Variants in MACROD2 observed in about 807,000 individuals in gnomAD.
MACROD2 encodes ADP-ribose glycohydrolase MACROD2.
Under a neutral mutation model 70.4 loss-of-function variants are expected in MACROD2, and 36 were observed. That is an observed-to-expected ratio of 0.51 (90% confidence interval 0.39 to 0.68). The LOEUF is 0.68. MACROD2 is among the 30% of genes least tolerant of loss of function. MACROD2 has a pLI of 0.00. For synonymous variants in MACROD2, 172 were observed against 178.8 expected, an observed-to-expected ratio of 0.96 and a Z score of 0.30; for missense variants, 496 against 538.4, an observed-to-expected ratio of 0.92 and a Z score of 0.78.
chr20:14,413,812 TC>T (rs1226291992), intron 3 of MACROD2, among the ~76,000 whole-genome samples: 1 of 152,192 alleles, frequency 6.6e-6, no homozygotes, highest in East Asian at 1.9e-4. Context: ...GCTTTTTTTT[TC>T]CTGTTGAAAT....
At chr20:14,793,332 T>G (rs919782913) in intron 5 of MACROD2, among the ~76,000 whole-genome samples, 4 of 152,076 alleles carry the variant, frequency 2.6e-5, no homozygotes, top group Non-Finnish European at 5.9e-5. Flanking sequence ...AGACCCGGAC[T>G]GTGTCCTCAA....
chr20:14,168,578 A>G (rs1026181488), intron 3 of MACROD2, among the ~76,000 whole-genome samples: 4 of 152,218 alleles, frequency 2.6e-5, no homozygotes, highest in African/African-American at 9.7e-5. Context: ...ATTATTAACT[A>G]AAGTCCACAG....
At chr20:14,866,941 A>G (rs1182611506) in intron 5 of MACROD2, among the ~76,000 whole-genome samples, 3 of 152,150 alleles carry the variant, frequency 2.0e-5, no homozygotes, top group Admixed American at 6.5e-5. Flanking sequence ...TTAAAGAATA[A>G]AAGTACCATC....
In MACROD2 at chr20:15,425,675, TG is replaced by T. The variant is rs144851124; in HGVS notation, c.541-5729del. 3.2e-3 allele frequency among the ~76,000 whole-genome samples: 483 copies of T among 152,268 alleles called. 1 individual carries two copies. The highest frequency in any genetic ancestry group is 0.011 in the African/African-American group (457 of 41,558). On this transcript the variant is annotated intron_variant, in intron 6 of 17. Transcript: ENST00000684519. Reference sequence around the variant, plus strand: ...AATAAACTCTTCATCTTTCTATTCTTGTGGCTATGGAGGGGAAGGTATGCTG... The same window carrying T: ...AATAAACTCTTCATCTTTCTATTCTTTGGCTATGGAGGGGAAGGTATGCTG...
intron 8 of MACROD2, among the ~76,000 whole-genome samples, chr20:15,844,618 A>G (rs2064209715): frequency 6.6e-6 from 1 of 152,160 alleles, no homozygotes; most frequent in African/African-American, 2.4e-5. Flanking sequence ...GTGTTGTACT[A>G]TTTATGAAGG....
At chr20:14,569,784 G>A (rs553068258) in intron 4 of MACROD2, among the ~76,000 whole-genome samples, 8 of 151,940 alleles carry the variant, frequency 5.3e-5, no homozygotes, top group East Asian at 1.9e-4. Context: ...ACTGTGAAGC[G>A]TAGAGCTGTG....
intron 5 of MACROD2, among the ~76,000 whole-genome samples, chr20:14,862,039 T>TTTA (rs1568838795): frequency 1.2e-4 from 1 of 8,614 alleles, no homozygotes; most frequent in African/African-American, 4.6e-4. Context: ...TTATATATAT[T>TTTA]TATATATATA....
rs185734295 is a variant in MACROD2 at position 14,613,614 on chromosome 20, C to T, written c.302-71229C>T. Among the ~76,000 whole-genome samples, 41 of 152,132 alleles carry T rather than the reference C, an allele frequency of 2.7e-4. No homozygotes were observed. The Middle Eastern group carries it at 0.014, about 50-fold the overall frequency. ...CAAAACACAGTGGAGATTTTAGCTA[C>T]CCCCAGTGTTTTCCTCTGGCTCACT... On this transcript the variant is annotated intron_variant, in intron 4 of 17. Coordinates refer to ENST00000684519, the MANE Select transcript of MACROD2 (RefSeq NM_001351661.2).
chr20:15,000,629 C>CAAAAAAAAAAA (rs398040701), intron 5 of MACROD2, among the ~76,000 whole-genome samples: 2 of 21,982 alleles, frequency 9.1e-5, no homozygotes, highest in African/African-American at 2.4e-4. Flanking sequence ...GACTCCGTCT[C>CAAAAAAAAAAA]AAAAAAAAAA....
At chr20:15,375,915 A>G (rs528947041) in intron 6 of MACROD2, among the ~76,000 whole-genome samples, 2 of 152,232 alleles carry the variant, frequency 1.3e-5, no homozygotes, top group East Asian at 1.9e-4. Context: ...TCTTTTCCCA[A>G]CGCCTGTTTA....
intron 5 of MACROD2, among the ~76,000 whole-genome samples, chr20:14,722,119 ACTT>A (rs1247080640): frequency 6.6e-6 from 1 of 152,188 alleles, no homozygotes; most frequent in East Asian, 1.9e-4. Flanking sequence ...TCAGTTCAAG[ACTT>A]CTTCATAAGA....
intron 5 of MACROD2, chr20:14,849,906 A>T (rs1417930105): frequency 2.0e-6 from 1 of 493,450 alleles, no homozygotes; most frequent in Admixed American, 2.2e-5. Context: ...CATCGTAGCA[A>T]ATTTGGATGC....
intron 5 of MACROD2, among the ~76,000 whole-genome samples, chr20:14,835,465 C>T (rs902596438): frequency 2.0e-5 from 3 of 152,058 alleles, no homozygotes; most frequent in African/African-American, 7.2e-5. Context: ...TGCCTGGGCT[C>T]AGCCATTAGG....
chr20:15,789,902 G>T (rs1312546112), intron 8 of MACROD2, among the ~76,000 whole-genome samples: 1 of 151,964 alleles, frequency 6.6e-6, no homozygotes. Context: ...CTACAGAAGA[G>T]ATGAAACTCG....
intron 2 of MACROD2, among the ~76,000 whole-genome samples, chr20:14,066,805 ATTTTTTTTTT>A (rs34648174): frequency 9.6e-6 from 1 of 104,108 alleles, no homozygotes; most frequent in Admixed American, 1.2e-4. Context: ...TGTTTTAGTG[ATTTTTTTTTT>A]TTTTTTTTTT....
intron 5 of MACROD2, among the ~76,000 whole-genome samples, chr20:14,771,724 G>A (rs868210065): frequency 4.1e-4 from 57 of 137,638 alleles, no homozygotes; most frequent in African/African-American, 1.5e-3. Flanking sequence ...ACACACACAC[G>A]TTATACTTAT....
At chr20:15,669,127 T>C (rs1183188498) in intron 8 of MACROD2, among the ~76,000 whole-genome samples, 1 of 152,244 alleles carries the variant, frequency 6.6e-6, no homozygotes, top group Non-Finnish European at 1.5e-5. Flanking sequence ...TGTTTATTTT[T>C]ATCTCATAAC....
chr20:14,099,478 A>G (rs997218500), intron 3 of MACROD2, among the ~76,000 whole-genome samples: 2 of 152,148 alleles, frequency 1.3e-5, no homozygotes, highest in African/African-American at 2.4e-5. Context: ...TGCTTGCAAC[A>G]TTGATACATA....
rs183692695 is a variant in MACROD2 at position 14,025,057 on chromosome 20, G to A, written c.163+22653G>A. ...CTGCCTCAGTTTCTGAACTTGTTAT[G>A]GTTTATTCAGGGATTTGACTTCTTT... On this transcript the variant is annotated intron_variant, in intron 2 of 17. Coordinates refer to ENST00000684519, the MANE Select transcript of MACROD2 (RefSeq NM_001351661.2). 1.6e-4 allele frequency among the ~76,000 whole-genome samples: 24 copies of A among 152,114 alleles called. 1 individual carries two copies. Among genetic ancestry groups the A allele is most frequent in the African/African-American group, 5.1e-4 (21 of 41,522 alleles).
Sources: allele counts gnomAD v4.1 joint callset (sites outside exome capture counted in the v4.1 genomes callset), GRCh38; gene constraint gnomAD v4.1.1; transcripts MANE v1.5; gene names NCBI Gene and HGNC (gene_info 2026-07-23, HGNC 2026-07-21).